TBCD: variants seen among roughly 807,000 people sequenced by gnomAD.
TBCD encodes the protein tubulin folding cofactor D.
In TBCD, 105 loss-of-function variants were observed where a neutral mutation model predicts 169.3. That is an observed-to-expected ratio of 0.62 (90% CI 0.53 to 0.73). The LOEUF is 0.73. TBCD is among the 30% of genes least tolerant of loss of function. The probability of loss-of-function intolerance (pLI) is 0.00; values close to 1 mark genes in which losing one functional copy is unlikely to be tolerated. For missense variants in TBCD, 1,444 were observed against 1,600.1 expected (o/e 0.90, Z 1.66); for synonymous variants, 700 against 643.9 (o/e 1.09, Z -1.32).
intron 21 of TBCD, chr17:82,908,316 G>A (rs180727415): frequency 2.1e-4 from 95 of 456,926 alleles, no homozygotes; most frequent in Non-Finnish European, 3.7e-4. Flanking sequence ...TGCAGCTGGG[G>A]TCTGATGTCT....
Position 82,807,668 on chromosome 17 carries a change from G to C in TBCD, c.1148G>C (p.Gly383Ala). ...GTCGTGCGGTGGTCTGCAGCCAAGG[G>C]GTAGGTGTCTGTGGCCGCAGAAGCA... The part of the protein sequence containing the change: ...DTVVRWSAAK[G>A]IGRMAGRLPR... The change falls in exon 11 of 39, where the codon GGC (glycine) becomes GCC (alanine). Residue 383 changes from glycine (G) to alanine (A), a missense_variant and splice_region_variant. Physicochemically the swap from Gly to Ala is moderately conservative, Grantham distance 60. Coordinates refer to ENST00000355528, the MANE Select transcript of TBCD (RefSeq NM_005993.5). The C allele has an allele frequency of 6.6e-7, 1 of 1,514,334 alleles. No homozygotes were observed. The highest frequency in any genetic ancestry group is 1.4e-5 in the African/African-American group (1 of 71,508). The allele number at this position is 1,514,334 out of a possible 1,614,324, so 93.8% of individuals were successfully genotyped here.
At chr17:82,918,112 G>T (rs961403762) in intron 23 of TBCD, among the ~76,000 whole-genome samples, 11 of 152,160 alleles carry the variant, frequency 7.2e-5, no homozygotes, top group African/African-American at 2.7e-4. Context: ...TGCTTCCTCC[G>T]CGGTGACTCC....
Position 82,773,206 on chromosome 17 carries a change from G to A in TBCD, c.638+699G>A, listed in dbSNP as rs116154565. Reference sequence around the variant, plus strand: ...TTCGGTGGTTGTGGTTGGGAATACGGTCAGTGCCTCATGCAGCGTCACCTT... The same window carrying A: ...TTCGGTGGTTGTGGTTGGGAATACGATCAGTGCCTCATGCAGCGTCACCTT... On this transcript the variant is annotated intron_variant, in intron 6 of 38. Coordinates refer to ENST00000355528, the MANE Select transcript of TBCD (RefSeq NM_005993.5). 9.0e-3 allele frequency among the ~76,000 whole-genome samples: 1,378 copies of A among 152,274 alleles called. 17 individuals are homozygous for A. Among genetic ancestry groups the A allele is most frequent in the African/African-American group, 0.032 (1,335 of 41,530 alleles).
At chr17:82,845,523 G>A (rs2054961598) in intron 13 of TBCD, among the ~76,000 whole-genome samples, 1 of 132,320 alleles carries the variant, frequency 7.6e-6, no homozygotes, top group Non-Finnish European at 1.7e-5. Context: ...GTCCTGTCCA[G>A]CTCAGCCCCT....
rs148341740 is a variant in TBCD, at chr17:82,926,738, C to G, written c.2471+247C>G. On this transcript the variant is annotated intron_variant, in intron 28 of 38. Transcript: ENST00000355528. The stretch of plus-strand genomic sequence containing the variant: ...TGGAGAATTGGAGAATGTGTCCTGG[C>G]CCAAGGTTGGCAAAGAGGAGCTGAC... The G allele has an allele frequency of 1.0e-3, 594 of 571,570 alleles. 5 individuals carry two copies. Among genetic ancestry groups the G allele is most frequent in the African/African-American group, 0.01 (544 of 53,432 alleles). 35.4% of individuals were successfully genotyped at this position (571,570 alleles called of 1,614,324 possible).
chr17:82,923,523 C>G lies in TBCD; in HGVS notation c.2179-129C>G. ...GGTCCCTGGTCAGGCAGGGGCTGCT[C>G]TGACCTCAGGGTGACCACGGTGTCC... On this transcript the variant is annotated intron_variant, in intron 25 of 38. Transcript: ENST00000355528. This position sits in a 1 kb window ranked among gnomAD's most constrained non-coding sequence, Gnocchi z 4.6. 2 of 756,660 alleles carry G rather than the reference C, an allele frequency of 2.6e-6. No homozygotes were observed. Among genetic ancestry groups the G allele is most frequent in the Non-Finnish European group, 4.4e-6 (2 of 458,680 alleles). 46.9% of individuals were successfully genotyped at this position (756,660 alleles called of 1,614,324 possible).
intron 13 of TBCD, among the ~76,000 whole-genome samples, chr17:82,824,567 A>G (rs1402376805): frequency 6.6e-6 from 1 of 152,030 alleles, no homozygotes; most frequent in Non-Finnish European, 1.5e-5. Flanking sequence ...ATCATAGTAC[A>G]CCACAGCTTC....
At chr17:82,828,751 G>T (rs902200400) in intron 13 of TBCD, among the ~76,000 whole-genome samples, 1 of 150,310 alleles carries the variant, frequency 6.7e-6, no homozygotes, top group Non-Finnish European at 1.5e-5. Context: ...ACCCAGAGAT[G>T]CACACACACA....
intron 23 of TBCD, among the ~76,000 whole-genome samples, chr17:82,917,019 C>CTTTTTTTTTTTTT (rs59331670): frequency 1.8e-5 from 2 of 108,518 alleles, no homozygotes; most frequent in Non-Finnish European, 3.6e-5. Flanking sequence ...TTTTTCTTTT[C>CTTTTTTTTTTTTT]TTTTCTTTTT....
chr17:82,911,467 G>A (rs945516534), intron 22 of TBCD, among the ~76,000 whole-genome samples: 3 of 152,192 alleles, frequency 2.0e-5, no homozygotes, highest in African/African-American at 7.2e-5. Context: ...TATAAAGTAA[G>A]AGCTGAGCGC....
intron 14 of TBCD, among the ~76,000 whole-genome samples, chr17:82,883,768 A>C (rs543318559): frequency 3.0e-4 from 46 of 152,348 alleles, no homozygotes; most frequent in African/African-American, 1.0e-3. Flanking sequence ...CTCGTCCTCC[A>C]GGGCACTCCG....
intron 34 of TBCD, among the ~76,000 whole-genome samples, chr17:82,935,991 C>G (rs1183985982): frequency 1.3e-5 from 2 of 152,216 alleles, no homozygotes; most frequent in Non-Finnish European, 2.9e-5. Context: ...CGTTGTAGCA[C>G]ATTAAAAATA....
intron 8 of TBCD, among the ~76,000 whole-genome samples, chr17:82,799,441 C>CAAAAAAAAAAAAAAAA (rs61017445): frequency 2.8e-5 from 2 of 72,616 alleles, no homozygotes; most frequent in African/African-American, 5.2e-5. Flanking sequence ...GACTCTGTCT[C>CAAAAAAAAAAAAAAAA]AAAAAAAAAA....
intron 5 of TBCD, 37 bp downstream of exon 5, chr17:82,768,603 C>T (rs768316840): frequency 1.2e-6 from 2 of 1,603,868 alleles, no homozygotes; most frequent in Non-Finnish European, 1.7e-6. Flanking sequence ...CTAATTAGTA[C>T]TCACTTTCAT....
At chr17:82,768,338 G>C (rs2048129225) in intron 4 of TBCD, 82 bp from the exon 5 acceptor site, 2 of 1,539,876 alleles carry the variant, frequency 1.3e-6, no homozygotes, top group South Asian at 2.3e-5. Flanking sequence ...TGGGCATGGA[G>C]GGCAGTGACT....
chr17:82,910,306 G>A (rs1356465180), intron 22 of TBCD, among the ~76,000 whole-genome samples: 1 of 152,200 alleles, frequency 6.6e-6, no homozygotes, highest in Non-Finnish European at 1.5e-5. Context: ...GGTGAGTAGA[G>A]GCCTCTCGCT....
At chr17:82,896,821 G>A (rs553810308) in intron 17 of TBCD, among the ~76,000 whole-genome samples, 4 of 152,096 alleles carry the variant, frequency 2.6e-5, no homozygotes, top group Non-Finnish European at 5.9e-5. Flanking sequence ...ACGCGCCCCC[G>A]GTGCTGGATG....
At chr17:82,799,689 G>A (rs371601726) in intron 8 of TBCD, among the ~76,000 whole-genome samples, 1 of 152,096 alleles carries the variant, frequency 6.6e-6, no homozygotes, top group Non-Finnish European at 1.5e-5. Flanking sequence ...CTGGAAGGTG[G>A]GGCTCTTTAT....
intron 14 of TBCD, among the ~76,000 whole-genome samples, chr17:82,878,091 C>T (rs1054954560): frequency 2.0e-5 from 3 of 152,210 alleles, no homozygotes; most frequent in Admixed American, 6.5e-5. Flanking sequence ...CAGCATTCTC[C>T]GATGTGAACA....
Sources: gnomAD v4.1 joint callset for allele counts (sites outside exome capture counted in the v4.1 genomes callset) on GRCh38, gnomAD v4.1.1 for gene constraint, Gnocchi (gnomAD v3.1) non-coding constraint, MANE v1.5 for transcripts, NCBI Gene and HGNC (gene_info 2026-07-23, HGNC 2026-07-21) for gene names.